IST1: variants seen among roughly 807,000 people sequenced by gnomAD.
The protein encoded by IST1 is IST1 factor associated with ESCRT-III.
In IST1, 23 loss-of-function variants were observed where a neutral mutation model predicts 37.0. That is an observed-to-expected ratio of 0.62 (90% CI 0.45 to 0.88). IST1 has a LOEUF of 0.88. IST1 is among the 40% of genes least tolerant of loss of function. The pLI, the probability that IST1 is intolerant of heterozygous loss-of-function variation, is 0.00. For missense variants in IST1, 488 were observed against 445.4 expected (o/e 1.10, Z -0.86); for synonymous variants, 180 against 161.7 (o/e 1.11, Z -0.86).
intron 1 of IST1, among the ~76,000 whole-genome samples, chr16:71,899,608 G>T (rs766649642): frequency 2.6e-5 from 4 of 152,164 alleles, no homozygotes; most frequent in Non-Finnish European, 5.9e-5. Context: ...GGGAGTGGTG[G>T]CTCATACCTG....
At chr16:71,897,681 C>CA (rs1234032929) in intron 1 of IST1, among the ~76,000 whole-genome samples, 1 of 152,196 alleles carries the variant, frequency 6.6e-6, no homozygotes, top group African/African-American at 2.4e-5. Context: ...CACGGTGGCT[C>CA]ACGCCTGTAA....
intron 8 of IST1, chr16:71,924,310 G>A: frequency 2.5e-6 from 1 of 400,212 alleles, no homozygotes. Flanking sequence ...CTGCTTGGCA[G>A]TTAAGAGTTC....
At chr16:71,899,054 T>A (rs939145277) in intron 1 of IST1, among the ~76,000 whole-genome samples, 13 of 152,142 alleles carry the variant, frequency 8.5e-5, no homozygotes, top group African/African-American at 2.9e-4. Flanking sequence ...GAGAACAAGA[T>A]GAAGATACTT....
At chr16:71,903,376 T>C (rs925361606) in intron 1 of IST1, 1 of 152,182 alleles carries the variant, frequency 6.6e-6, no homozygotes, top group African/African-American at 2.4e-5. Context: ...ATATTTTTTT[T>C]TTCAGTACAA....
chr16:71,922,994 G>T, intron 7 of IST1: 1 of 482,738 alleles, frequency 2.1e-6, no homozygotes, highest in South Asian at 2.6e-5. Flanking sequence ...TTATTACCAG[G>T]CAGAACAACC....
chr16:71,912,096 C>T (rs1193192742), intron 1 of IST1, among the ~76,000 whole-genome samples: 3 of 152,120 alleles, frequency 2.0e-5, no homozygotes, highest in Admixed American at 2.0e-4. Flanking sequence ...TCTCACTCAT[C>T]ATCATGATCA....
chr16:71,894,817 C>T (rs1421533684), upstream of IST1: 1 of 1,533,620 alleles, frequency 6.5e-7, no homozygotes, highest in Admixed American at 2.0e-5. Context: ...AGGTCCCTTC[C>T]AGGCTTAAGC....
At chr16:71,901,968 A>G (rs950963444) in intron 1 of IST1, among the ~76,000 whole-genome samples, 8 of 152,238 alleles carry the variant, frequency 5.3e-5, no homozygotes, top group African/African-American at 1.2e-4. Context: ...TGCCTTAAAC[A>G]TCTTATTTTA....
chr16:71,922,760 CAT>C (rs776454516), intron 7 of IST1, 80 bp downstream of exon 7: 122 of 1,186,608 alleles, frequency 1.0e-4, no homozygotes, highest in Admixed American at 7.3e-4. Flanking sequence ...ACTCAGGAAT[CAT>C]AGGTTGTCAG....
At chr16:71,918,105 C>G (rs1288879744) in intron 4 of IST1, among the ~76,000 whole-genome samples, 1 of 152,172 alleles carries the variant, frequency 6.6e-6, no homozygotes, top group Non-Finnish European at 1.5e-5. Flanking sequence ...CTGTGAGGAA[C>G]TAGTCATCTT....
intron 9 of IST1, among the ~76,000 whole-genome samples, chr16:71,926,655 A>AT (rs981988809): frequency 1.2e-4 from 19 of 152,114 alleles, no homozygotes; most frequent in Non-Finnish European, 2.2e-4. Flanking sequence ...AAACCCATAC[A>AT]TTTTAAGTGT....
chr16:71,931,016 G>C lies in IST1; in HGVS notation c.*3203G>C, dbSNP rs1484716680. On this transcript the variant is annotated 3_prime_UTR_variant, in exon 10 of 10. Coordinates refer to ENST00000378799, the MANE Select transcript of IST1 (RefSeq NM_001270975.2). ...CAACCAGATAATGTGGGCAATCTCTGAGTTTGTGATACAAGACTTATTTCC... is the reference window on the plus strand; with the variant it reads ...CAACCAGATAATGTGGGCAATCTCTCAGTTTGTGATACAAGACTTATTTCC... 1 of 152,162 alleles carries C rather than the reference G, an allele frequency of 6.6e-6. No homozygotes were observed. Among genetic ancestry groups the C allele is most frequent in the African/African-American group, 2.4e-5 (1 of 41,440 alleles). 9.4% of individuals were successfully genotyped at this position (152,162 alleles called of 1,614,324 possible). A position where few individuals can be genotyped will look rare whatever the true frequency, so the allele number is the denominator to read the frequency against.
intron 1 of IST1, among the ~76,000 whole-genome samples, chr16:71,905,838 A>G (rs1379508630): frequency 6.6e-6 from 1 of 152,170 alleles, no homozygotes; most frequent in African/African-American, 2.4e-5. Context: ...TGAAAGCTCT[A>G]TCAGACAGTA....
At chr16:71,925,687 G>A (rs1343380747) in intron 9 of IST1, among the ~76,000 whole-genome samples, 5 of 148,970 alleles carry the variant, frequency 3.4e-5, no homozygotes, top group Admixed American at 6.6e-5. Flanking sequence ...GCCAGGTGTG[G>A]TGATTCACAT....
At chr16:71,920,637 G>C (rs761373075) in intron 4 of IST1, 102 bp from the exon 5 acceptor site, 1 of 765,390 alleles carries the variant, frequency 1.3e-6, no homozygotes, top group Non-Finnish European at 2.2e-6. Context: ...CCAGTGTTTT[G>C]GAAATCTTGT....
chr16:71,908,197 C>G (rs2037269754), intron 1 of IST1, among the ~76,000 whole-genome samples: 1 of 151,996 alleles, frequency 6.6e-6, no homozygotes, highest in Admixed American at 6.5e-5. Flanking sequence ...CCGCCTCTGC[C>G]TCCCAAAGTG....
Position 71,927,862 on chromosome 16 carries a change from A to G in IST1, c.*49A>G, listed in dbSNP as rs141885117. On this transcript the variant is annotated 3_prime_UTR_variant, in exon 10 of 10. Coordinates refer to ENST00000378799, the MANE Select transcript of IST1 (RefSeq NM_001270975.2). ...ACGTTTTGGGAGTTGAGACTGAGCA[A>G]TTTCTCCTTGTAACAAAGAATCTCC... 7 of 1,270,292 alleles carry G rather than the reference A, an allele frequency of 5.5e-6. No individual in the cohort carries two copies. The highest frequency in any genetic ancestry group is 3.4e-5 in the Admixed American group (2 of 58,012). The allele number at this position is 1,270,292 out of a possible 1,614,324, so 78.7% of individuals were successfully genotyped here. A position where few individuals can be genotyped will look rare whatever the true frequency, so the allele number is the denominator to read the frequency against.
At chr16:71,913,344 C>T (rs753622937) in intron 1 of IST1, among the ~76,000 whole-genome samples, 1 of 151,778 alleles carries the variant, frequency 6.6e-6, no homozygotes, top group Non-Finnish European at 1.5e-5. Flanking sequence ...TTTCATTTTG[C>T]CTTTCTCTAG....
At chr16:71,898,534 A>G (rs113522753) in intron 1 of IST1, among the ~76,000 whole-genome samples, 1,749 of 151,784 alleles carry the variant, frequency 0.012, 16 homozygotes, top group Non-Finnish European at 0.018. Context: ...AAATACAAAA[A>G]TTAGTTGGGC....
Sources: allele counts gnomAD v4.1 joint callset (sites outside exome capture counted in the v4.1 genomes callset), GRCh38; gene constraint gnomAD v4.1.1; transcripts MANE v1.5; gene names NCBI Gene and HGNC (gene_info 2026-07-23, HGNC 2026-07-21).